LARP4: variants seen among roughly 807,000 people sequenced by gnomAD.
LARP4 encodes la-related protein 4.
LARP4 carries 29 observed loss-of-function variants against 92.9 expected under a neutral mutation model. That is an observed-to-expected ratio of 0.31 (90% CI 0.23 to 0.43). The LOEUF (loss-of-function observed/expected upper bound fraction) is 0.43, where lower values mean the gene tolerates loss of function less well. LARP4 is among the 20% of genes least tolerant of loss of function. The pLI, the probability that LARP4 is intolerant of heterozygous loss-of-function variation, is 1.00. For missense variants in LARP4, 732 were observed against 860.0 expected (o/e 0.85, Z 1.86); for synonymous variants, 279 against 284.1 (o/e 0.98, Z 0.18).
intron 10 of LARP4, among the ~76,000 whole-genome samples, chr12:50,460,109 C>T (rs1039720141): frequency 3.3e-4 from 49 of 149,644 alleles, no homozygotes; most frequent in African/African-American, 7.6e-4. Flanking sequence ...CGCTCCAGCC[C>T]GGGCAACAGA....
chr12:50,455,716 G>C (rs893969041), intron 10 of LARP4, among the ~76,000 whole-genome samples: 30 of 152,258 alleles, frequency 2.0e-4, no homozygotes, highest in African/African-American at 6.7e-4. Flanking sequence ...AATAGTCAGA[G>C]TTTTTGGACT....
In LARP4 at chr12:50,435,671, A is replaced by C. The variant is rs1458118006; in HGVS notation, c.535+47A>C. 2.1e-6 allele frequency: 3 copies of C among 1,407,436 alleles called. No individual in the cohort carries two copies. The East Asian group carries it at 7.0e-5, about 33-fold the overall frequency. The allele number at this position is 1,407,436 out of a possible 1,614,324, so 87.2% of individuals were successfully genotyped here. On this transcript the variant is annotated intron_variant, in intron 5 of 15. Transcript: ENST00000398473. ...CTTTTTTTTTAATTTTTAAACGTAA[A>C]ATGTTATTTCGACTTCTGATCATAT...
At chr12:50,421,379 C>T (rs554631459) in intron 1 of LARP4, 1 of 690,048 alleles carries the variant, frequency 1.4e-6, no homozygotes, top group East Asian at 1.3e-4. Context: ...TGCAGCGGCT[C>T]ACACCTGTAA....
intron 1 of LARP4, among the ~76,000 whole-genome samples, chr12:50,406,086 A>G (rs1944778343): frequency 1.3e-5 from 2 of 152,156 alleles, no homozygotes; most frequent in Non-Finnish European, 2.9e-5. Context: ...TATGGAATTC[A>G]TGGATATGGA....
rs548169626 is a variant in LARP4 at position 50,410,692 on chromosome 12, C to T, written c.18+9664C>T. 2.6e-5 allele frequency among the ~76,000 whole-genome samples: 4 copies of T among 152,254 alleles called. 1 individual carries two copies. Among genetic ancestry groups the T allele is most frequent in the South Asian group, 2.1e-4 (1 of 4,820 alleles). ...GTGCTGGGATTACAGGCGTGAGCCA[C>T]GGTACCCGGCCTAGAATTCTTTATT... On this transcript the variant is annotated intron_variant, in intron 1 of 15. Coordinates refer to ENST00000398473, the MANE Select transcript of LARP4 (RefSeq NM_052879.5).
In LARP4 at chr12:50,475,886, A is replaced by G. The variant is rs747355162; in HGVS notation, c.*22A>G. Reference sequence around the variant, plus strand: ...GTAAAAAACAACAAAACTATTCAAAAACTTCACTCTCTTCCCATTAAACTT... The same window carrying G: ...GTAAAAAACAACAAAACTATTCAAAGACTTCACTCTCTTCCCATTAAACTT... On this transcript the variant is annotated 3_prime_UTR_variant, in exon 16 of 16. Coordinates refer to ENST00000398473, the MANE Select transcript of LARP4 (RefSeq NM_052879.5). 10 of 1,594,064 alleles carry G rather than the reference A, an allele frequency of 6.3e-6. No individual in the cohort carries two copies. Among genetic ancestry groups the G allele is most frequent in the Non-Finnish European group, 8.6e-6 (10 of 1,165,324 alleles).
At position 50,474,094 on chromosome 12, in the gene LARP4, C is replaced by T; in HGVS notation, c.1763C>T (p.Thr588Ile). The T allele has an allele frequency of 6.2e-7, 1 of 1,612,982 alleles. No individual in the cohort carries two copies. The highest frequency in any genetic ancestry group is 2.2e-5 in the East Asian group (1 of 44,860). ...TTIPVSPPST[T>I]KPSRASTASP... ...ATACCAGTTTCTCCTCCAAGTACTA[C>T]AAAGCCATCGAGGGCAAGTACTGCT... The change falls in exon 15 of 16, where the codon ACA (threonine) becomes ATA (isoleucine). Residue 588 changes from threonine to isoleucine, a missense_variant. Physicochemically the swap from Thr to Ile is moderately conservative, Grantham distance 89. Transcript: ENST00000398473.
At chr12:50,474,474 G>C (rs971994037) in intron 15 of LARP4, among the ~76,000 whole-genome samples, 11 of 151,916 alleles carry the variant, frequency 7.2e-5, no homozygotes, top group Middle Eastern at 3.4e-3. Flanking sequence ...CAGCCTCCCG[G>C]GTAGCTGGGA....
At chr12:50,429,168 C>A in intron 3 of LARP4, 78 bp downstream of exon 3, 1 of 961,756 alleles carries the variant, frequency 1.0e-6, no homozygotes, top group South Asian at 1.6e-5. Context: ...TATACTTGTT[C>A]TGATAAACCT....
At chr12:50,402,039 G>A (rs1200626567) in intron 1 of LARP4, among the ~76,000 whole-genome samples, 1 of 151,914 alleles carries the variant, frequency 6.6e-6, no homozygotes, top group Non-Finnish European at 1.5e-5. Flanking sequence ...TGTTAACTAT[G>A]CCCATAAGAA....
intron 12 of LARP4, among the ~76,000 whole-genome samples, chr12:50,463,420 C>CA (rs56129178): frequency 1.1e-5 from 1 of 87,638 alleles, no homozygotes; most frequent in Non-Finnish European, 2.2e-5. Context: ...CCCATCTCTC[C>CA]AAAAAAAAAA....
At position 50,418,775 on chromosome 12, in the gene LARP4, A is replaced by G. The variant is rs73305117; in HGVS notation, c.19-8987A>G. 8.5e-3 allele frequency among the ~76,000 whole-genome samples: 1,296 copies of G among 152,252 alleles called. 25 individuals are homozygous for G. Among genetic ancestry groups the G allele is most frequent in the African/African-American group, 0.029 (1,225 of 41,546 alleles). On this transcript the variant is annotated intron_variant, in intron 1 of 15. Coordinates refer to ENST00000398473, the MANE Select transcript of LARP4 (RefSeq NM_052879.5). Reference sequence around the variant, plus strand: ...GCTTTGTCATCCAGACTGTAGTACAATCATGTGATCTTGGCTCACTGTAGC... The same window carrying G: ...GCTTTGTCATCCAGACTGTAGTACAGTCATGTGATCTTGGCTCACTGTAGC...
At chr12:50,402,840 G>A (rs1944130217) in intron 1 of LARP4, 2 of 453,034 alleles carry the variant, frequency 4.4e-6, no homozygotes, top group East Asian at 7.1e-5. Context: ...CGTATCTCTC[G>A]CCAAACTAGT....
At chr12:50,462,081 T>C (rs1428991918) in intron 11 of LARP4, among the ~76,000 whole-genome samples, 5 of 152,166 alleles carry the variant, frequency 3.3e-5, no homozygotes, top group African/African-American at 1.2e-4. Context: ...TATGGTGTGG[T>C]AGTAGGTAAA....
At chr12:50,403,846 A>G (rs1191704242) in intron 1 of LARP4, among the ~76,000 whole-genome samples, 1 of 152,184 alleles carries the variant, frequency 6.6e-6, no homozygotes, top group East Asian at 1.9e-4. Flanking sequence ...TTGTGTCAGG[A>G]ACGTTTGATG....
rs1286335171 is a variant in LARP4 at position 50,476,846 on chromosome 12, T to C, written c.*982T>C. On this transcript the variant is annotated 3_prime_UTR_variant, in exon 16 of 16. Transcript: ENST00000398473. ...AGCAGTCTAGTCAAATCATATAAAT[T>C]GTTCTAAATTTCAGAATTGAACATT... is the stretch of plus-strand genomic sequence containing the variant. The C allele has an allele frequency of 6.6e-6, 1 of 152,576 alleles. No homozygotes were observed. The highest frequency in any genetic ancestry group is 6.5e-5 in the Admixed American group (1 of 15,276). The allele number at this position is 152,576 out of a possible 1,614,324, so 9.5% of individuals were successfully genotyped here.
At chr12:50,414,169 A>C (rs1946375413) in intron 1 of LARP4, among the ~76,000 whole-genome samples, 1 of 152,198 alleles carries the variant, frequency 6.6e-6, no homozygotes, top group Non-Finnish European at 1.5e-5. Context: ...ATAGGGTAAA[A>C]ATGATATTTT....
chr12:50,464,353 T>A (rs150545750), intron 12 of LARP4, among the ~76,000 whole-genome samples: 7 of 152,330 alleles, frequency 4.6e-5, no homozygotes, highest in African/African-American at 1.7e-4. Context: ...AGAAACCCAT[T>A]TTCAAAGAAG....
At chr12:50,444,567 G>A (rs1344345622) in intron 8 of LARP4, among the ~76,000 whole-genome samples, 7 of 152,174 alleles carry the variant, frequency 4.6e-5, no homozygotes. Context: ...TCCTGGTGGT[G>A]CTTTCTGCCA....
Sources: allele counts gnomAD v4.1 joint callset (sites outside exome capture counted in the v4.1 genomes callset), GRCh38; gene constraint gnomAD v4.1.1; transcripts MANE v1.5; gene names NCBI Gene and HGNC (gene_info 2026-07-23, HGNC 2026-07-21).